FGF13: variants seen among roughly 807,000 people sequenced by gnomAD.
FGF13 encodes the protein fibroblast growth factor homologous factor 2.
Under a neutral mutation model 19.5 loss-of-function variants are expected in FGF13, and 2 were observed. The ratio of observed to expected loss-of-function variants is 0.10; its 90% CI spans 0.04 to 0.32. FGF13 has a LOEUF of 0.32. Among genes scored for constraint, FGF13 ranks in the 10% least tolerant of loss-of-function variants. FGF13 has a pLI of 1.00. For missense variants in FGF13, 113 were observed against 192.7 expected (o/e 0.59, Z 2.45); for synonymous variants, 72 against 76.9 (o/e 0.94, Z 0.33).
At chrX:138,775,523 G>A (rs770313845) in intron 3 of FGF13, among the ~76,000 whole-genome samples, 2 of 112,032 alleles carry the variant, frequency 1.8e-5, no homozygotes, top group South Asian at 7.5e-4. Context: ...TCAAGGTGAT[G>A]TTTAAATTAA....
At chrX:139,152,265 T>TA (rs1240071129) in intron 1 of FGF13, among the ~76,000 whole-genome samples, 348 of 61,893 alleles carry the variant, frequency 5.6e-3, no homozygotes, top group African/African-American at 0.015. Flanking sequence ...CGAACTGTCA[T>TA]AAAAAAAAAA....
At chrX:138,955,277 T>G (rs1276994596) in intron 1 of FGF13, among the ~76,000 whole-genome samples, 1 of 112,744 alleles carries the variant, frequency 8.9e-6, no homozygotes, top group East Asian at 2.8e-4. Flanking sequence ...ACAACAGTTA[T>G]CGGCTAAACC....
intron 1 of FGF13, among the ~76,000 whole-genome samples, chrX:138,929,673 T>C (rs1371551533): frequency 9.0e-6 from 1 of 111,420 alleles, no homozygotes; most frequent in Non-Finnish European, 1.9e-5. Flanking sequence ...CCTGAATCCC[T>C]GTCCCTTGTG....
intron 3 of FGF13, among the ~76,000 whole-genome samples, chrX:138,784,812 T>C (rs2090679724): frequency 9.0e-6 from 1 of 111,420 alleles, no homozygotes; most frequent in Admixed American, 9.6e-5. Context: ...AACTCCCTAA[T>C]TTCTCTTTCC....
At chrX:139,047,136 G>A (rs776192779) in intron 1 of FGF13, among the ~76,000 whole-genome samples, 1 of 111,957 alleles carries the variant, frequency 8.9e-6, no homozygotes, top group African/African-American at 3.3e-5. Context: ...TGAATTCCCT[G>A]GCTACTTGAA....
At chrX:138,929,025 T>C (rs1177984185) in intron 1 of FGF13, among the ~76,000 whole-genome samples, 2 of 111,347 alleles carry the variant, frequency 1.8e-5, no homozygotes, top group African/African-American at 6.5e-5. Context: ...TGACAATCAT[T>C]TATTTCTCTT....
At chrX:139,181,611 C>T (rs2084238454) in intron 1 of FGF13, among the ~76,000 whole-genome samples, 1 of 112,569 alleles carries the variant, frequency 8.9e-6, no homozygotes, top group Non-Finnish European at 1.9e-5. Context: ...TAGTCTGCCA[C>T]TCCATGAGCA....
intron 1 of FGF13, among the ~76,000 whole-genome samples, chrX:139,122,854 G>C (rs1323140690): frequency 9.0e-6 from 1 of 111,230 alleles, no homozygotes; most frequent in African/African-American, 3.3e-5. Context: ...AAATATGTGT[G>C]TATCTCTAGG....
Position 138,625,237 on chromosome X carries a change from G to A in FGF13, c.*7613C>T, listed in dbSNP as rs1446404572. 1 of 109,153 alleles carries A rather than the reference G, an allele frequency of 9.2e-6. No homozygotes were observed. The highest frequency in any genetic ancestry group is 1.9e-5 in the Non-Finnish European group (1 of 52,610). The allele number at this position is 109,153 out of a possible 1,213,427, so 9.0% of individuals were successfully genotyped here. A position where few individuals can be genotyped will look rare whatever the true frequency, so the allele number is the denominator to read the frequency against. On this transcript the variant is annotated 3_prime_UTR_variant, in exon 5 of 5. Transcript: ENST00000315930. ...ACACTGTTTATGGGAATGTAAATTA[G>A]TAAGCCATTATGTAAAACAGTATGG...
intron 3 of FGF13, among the ~76,000 whole-genome samples, chrX:138,641,011 G>C (rs1013474733): frequency 2.7e-5 from 3 of 111,626 alleles, no homozygotes; most frequent in Admixed American, 9.5e-5. Flanking sequence ...GAACAACAGA[G>C]GGTACTGAAG....
intron 1 of FGF13, among the ~76,000 whole-genome samples, chrX:138,725,710 T>C (rs1051730355): frequency 9.0e-6 from 1 of 111,406 alleles, no homozygotes; most frequent in Non-Finnish European, 1.9e-5. Flanking sequence ...TAATGGATTT[T>C]TTCCTAACGG....
intron 1 of FGF13, among the ~76,000 whole-genome samples, chrX:139,096,268 GA>G (rs1329880105): frequency 8.9e-6 from 1 of 112,000 alleles, no homozygotes; most frequent in African/African-American, 3.2e-5. Flanking sequence ...AAACACAGGA[GA>G]ATGAGTTATC....
At chrX:139,063,816 C>A (rs981628940) in intron 1 of FGF13, among the ~76,000 whole-genome samples, 1 of 111,290 alleles carries the variant, frequency 9.0e-6, no homozygotes, top group Admixed American at 9.5e-5. Context: ...ATTTGTATTA[C>A]CTTATTGTTG....
chrX:138,688,343 A>T (rs1374607883), intron 3 of FGF13, among the ~76,000 whole-genome samples: 2 of 110,979 alleles, frequency 1.8e-5, no homozygotes, highest in East Asian at 5.6e-4. Flanking sequence ...GGGGGAATGC[A>T]GCAAAGTTGG....
At chrX:138,705,693 G>T (rs1016304180) in intron 2 of FGF13, among the ~76,000 whole-genome samples, 14 of 111,873 alleles carry the variant, frequency 1.3e-4, no homozygotes, top group Admixed American at 1.1e-3. Context: ...GGGACAGTCT[G>T]CCCAGATAAA....
chrX:139,058,685 A>T (rs2092327037), intron 1 of FGF13, among the ~76,000 whole-genome samples: 1 of 112,385 alleles, frequency 8.9e-6, no homozygotes, highest in Non-Finnish European at 1.9e-5. Flanking sequence ...CAATAATTGC[A>T]TCAGAACTGT....
intron 3 of FGF13, among the ~76,000 whole-genome samples, chrX:138,758,113 AG>A (rs2090442998): frequency 9.0e-6 from 1 of 111,531 alleles, no homozygotes; most frequent in Non-Finnish European, 1.9e-5. Context: ...TCAAGTTGGA[AG>A]GGGAGAAACA....
intron 1 of FGF13, among the ~76,000 whole-genome samples, chrX:139,161,330 G>C (rs759067383): frequency 5.4e-4 from 60 of 111,876 alleles, no homozygotes; most frequent in Non-Finnish European, 8.8e-4. Context: ...ACTAGGTATT[G>C]ATGGAACATA....
intron 1 of FGF13, among the ~76,000 whole-genome samples, chrX:138,997,558 C>G (rs751613212): frequency 7.2e-5 from 8 of 110,976 alleles, no homozygotes; most frequent in African/African-American, 2.6e-4. Flanking sequence ...ATGGTCGAAT[C>G]GATCAAGTGG....
Sources: allele counts gnomAD v4.1 joint callset (sites outside exome capture counted in the v4.1 genomes callset), GRCh38; gene constraint gnomAD v4.1.1; transcripts MANE v1.5; gene names NCBI Gene and HGNC (gene_info 2026-07-23, HGNC 2026-07-21).